LPP: variants seen among roughly 807,000 people sequenced by gnomAD.
The protein encoded by LPP is LIM domain containing preferred translocation partner in lipoma, also known as lipoma-preferred partner.
LPP carries 38 observed loss-of-function variants against 60.4 expected under a neutral mutation model. That is an observed-to-expected ratio of 0.63 (90% CI 0.49 to 0.83). The LOEUF is 0.83. Ranked by LOEUF, LPP falls within the 40% of genes least tolerant of loss-of-function variation. The probability of loss-of-function intolerance (pLI) is 0.00; values close to 1 mark genes in which losing one functional copy is unlikely to be tolerated. For missense variants in LPP, 902 were observed against 783.6 expected (o/e 1.15, Z -1.80); for synonymous variants, 328 against 290.8 (o/e 1.13, Z -1.30).
At chr3:188,280,697 G>C (rs1741652421) in intron 2 of LPP, among the ~76,000 whole-genome samples, 1 of 152,010 alleles carries the variant, frequency 6.6e-6, no homozygotes, top group Non-Finnish European at 1.5e-5. Flanking sequence ...TTCACCAAGA[G>C]CCAGAACAGG....
At chr3:188,287,483 C>T (rs1401412771) in intron 2 of LPP, among the ~76,000 whole-genome samples, 1 of 152,228 alleles carries the variant, frequency 6.6e-6, no homozygotes, top group African/African-American at 2.4e-5. Context: ...TCACTCTTCC[C>T]TCCTGTCAGG....
intron 10 of LPP, among the ~76,000 whole-genome samples, chr3:188,870,583 A>C (rs1200839657): frequency 6.6e-6 from 1 of 152,204 alleles, no homozygotes; most frequent in Non-Finnish European, 1.5e-5. Flanking sequence ...AAATTACGTC[A>C]AGTGTGTACA....
intron 8 of LPP, among the ~76,000 whole-genome samples, chr3:188,730,538 G>A (rs375973370): frequency 6.6e-6 from 1 of 152,210 alleles, no homozygotes; most frequent in African/African-American, 2.4e-5. Context: ...GGAAGTATGA[G>A]TGAATTTATC....
In LPP at chr3:188,495,129, TTTA is replaced by T. The variant is rs1397043853; in HGVS notation, c.306+10430_306+10432del. Reference sequence around the variant, plus strand: ...TATTTTTATATATTTATATTTATATTTTATTATATATTTATATTATATTTATAT... The same window carrying T: ...TATTTTTATATATTTATATTTATATTTTATATATTTATATTATATTTATAT... On this transcript the variant is annotated intron_variant, in intron 5 of 11. Coordinates refer to ENST00000617246, the MANE Select transcript of LPP (RefSeq NM_001375462.1). Among the ~76,000 whole-genome samples, 3 of 135,432 alleles carry T rather than the reference TTTA, an allele frequency of 2.2e-5. No homozygotes were observed. In the East Asian group the frequency reaches 6.7e-4, roughly 30 times the overall value. 88.8% of individuals were successfully genotyped at this position (135,432 alleles called of 152,430 possible). A position where few individuals can be genotyped will look rare whatever the true frequency, so the allele number is the denominator to read the frequency against.
At chr3:188,475,316 A>T (rs1802867556) in intron 4 of LPP, among the ~76,000 whole-genome samples, 2 of 152,238 alleles carry the variant, frequency 1.3e-5, no homozygotes, top group Non-Finnish European at 2.9e-5. Context: ...TAGAAAGATG[A>T]CAGGGACATT....
chr3:188,728,604 C>T (rs1719271260), intron 8 of LPP, among the ~76,000 whole-genome samples: 2 of 152,258 alleles, frequency 1.3e-5, no homozygotes, highest in Admixed American at 6.5e-5. Context: ...TACACATTTT[C>T]ATAGTAGATT....
intron 2 of LPP, among the ~76,000 whole-genome samples, chr3:188,258,433 C>A (rs1027667056): frequency 6.6e-6 from 1 of 152,174 alleles, no homozygotes; most frequent in African/African-American, 2.4e-5. Context: ...ATCAACCCTC[C>A]TACTTCAGCC....
intron 4 of LPP, among the ~76,000 whole-genome samples, chr3:188,459,550 C>T (rs752780194): frequency 2.6e-4 from 40 of 152,128 alleles, no homozygotes; most frequent in Non-Finnish European, 4.7e-4. Context: ...TGATTCCCAT[C>T]GTTCAAAGTA....
At chr3:188,222,121 G>A (rs1716001849) in intron 1 of LPP, among the ~76,000 whole-genome samples, 1 of 152,140 alleles carries the variant, frequency 6.6e-6, no homozygotes, top group Non-Finnish European at 1.5e-5. Context: ...TAGTGTGTGT[G>A]TTTCAAAATG....
rs142374028 is a variant in LPP, at chr3:188,766,378, C to CAA, written c.1410+6105_1410+6106dup. Among the ~76,000 whole-genome samples, 23 of 124,692 alleles carry CAA rather than the reference C, an allele frequency of 1.8e-4. 1 individual carries two copies. Among genetic ancestry groups the CAA allele is most frequent in the South Asian group, 1.1e-3 (3 of 2,738 alleles). 81.8% of individuals were successfully genotyped at this position (124,692 alleles called of 152,430 possible). A position where few individuals can be genotyped will look rare whatever the true frequency, so the allele number is the denominator to read the frequency against. ...CTTGAGCATTTGAGGCCTTAAAAAG[C>CAA]AAAAAAAAAAGGTTAAAAATATTTA... On this transcript the variant is annotated intron_variant, in intron 9 of 11. Transcript: ENST00000617246.
chr3:188,510,561 C>T (rs1277797636), intron 5 of LPP, among the ~76,000 whole-genome samples: 1 of 152,108 alleles, frequency 6.6e-6, no homozygotes. Context: ...ATACAATTAC[C>T]CCTGCCCACT....
chr3:188,418,146 C>T (rs1056720380), intron 4 of LPP, among the ~76,000 whole-genome samples: 1 of 152,036 alleles, frequency 6.6e-6, no homozygotes, highest in African/African-American at 2.4e-5. Flanking sequence ...ATTATGGTTC[C>T]TAAAGACAAA....
intron 6 of LPP, among the ~76,000 whole-genome samples, chr3:188,535,124 C>T (rs899809506): frequency 2.0e-5 from 3 of 151,798 alleles, no homozygotes; most frequent in Admixed American, 1.3e-4. Flanking sequence ...GAACCATTTG[C>T]GCATTTTGGT....
At chr3:188,570,812 G>A (rs958311068) in intron 6 of LPP, among the ~76,000 whole-genome samples, 1 of 151,856 alleles carries the variant, frequency 6.6e-6, no homozygotes, top group Non-Finnish European at 1.5e-5. Flanking sequence ...AAGCCCGCTA[G>A]AGATAATTAT....
chr3:188,874,028 T>C (rs1182117982), intron 11 of LPP, among the ~76,000 whole-genome samples: 3 of 151,944 alleles, frequency 2.0e-5, no homozygotes, highest in African/African-American at 7.3e-5. Context: ...TCTTGTTGAG[T>C]GGGGGCAGCA....
At chr3:188,790,005 A>G (rs6778685) in intron 9 of LPP, among the ~76,000 whole-genome samples, 9,068 of 152,212 alleles carry the variant, frequency 0.06, 303 homozygotes, top group East Asian at 0.098. Flanking sequence ...ATTTAGCACT[A>G]TCTTTCAAAA....
At chr3:188,431,039 T>C (rs1790762375) in intron 4 of LPP, among the ~76,000 whole-genome samples, 1 of 152,156 alleles carries the variant, frequency 6.6e-6, no homozygotes, top group Non-Finnish European at 1.5e-5. Context: ...GGTAAGTTTA[T>C]AGTATTCCTA....
chr3:188,886,124 G>A lies in LPP; in HGVS notation c.*11645G>A, dbSNP rs71308940. 0.033 allele frequency: 4,963 copies of A among 151,222 alleles called. 108 individuals are homozygous for A. The highest frequency in any genetic ancestry group is 0.051 in the Non-Finnish European group (3,468 of 67,840). The allele number at this position is 151,222 out of a possible 1,614,324, so 9.4% of individuals were successfully genotyped here. A position where few individuals can be genotyped will look rare whatever the true frequency, so the allele number is the denominator to read the frequency against. On this transcript the variant is annotated 3_prime_UTR_variant, in exon 12 of 12. Coordinates refer to ENST00000617246, the MANE Select transcript of LPP (RefSeq NM_001375462.1). ...AATGAGAACACATGGACACAGGAAG[G>A]GGAACATCACACTCTGGGGACTGTT...
At chr3:188,565,905 T>C (rs1288613764) in intron 6 of LPP, among the ~76,000 whole-genome samples, 1 of 151,966 alleles carries the variant, frequency 6.6e-6, no homozygotes, top group East Asian at 1.9e-4. Flanking sequence ...TTTGCCAGAA[T>C]GTGCACCTCT....
Sources: gnomAD v4.1 joint callset for allele counts (sites outside exome capture counted in the v4.1 genomes callset) on GRCh38, gnomAD v4.1.1 for gene constraint, MANE v1.5 for transcripts, NCBI Gene and HGNC (gene_info 2026-07-23, HGNC 2026-07-21) for gene names.